LEF1: variants seen among roughly 807,000 people sequenced by gnomAD.
LEF1 encodes lymphoid enhancer-binding factor 1.
LEF1 carries 14 observed loss-of-function variants against 51.2 expected under a neutral mutation model. That is an observed-to-expected ratio of 0.27 (90% CI 0.18 to 0.43). The LOEUF is 0.43. LEF1 is among the 20% of genes least tolerant of loss of function. The pLI is 1.00. For missense variants in LEF1, 386 were observed against 512.0 expected (o/e 0.75, Z 2.37); for synonymous variants, 185 against 183.2 (o/e 1.01, Z -0.08).
intron 6 of LEF1, among the ~76,000 whole-genome samples, 170 bp downstream of exon 6, chr4:108,081,391 GCCGGGGCACAGCGCAGAGCTCCTAC>G (rs1739293012): frequency 6.6e-6 from 1 of 152,000 alleles, no homozygotes; most frequent in Non-Finnish European, 1.5e-5. Context: ...GGCTGGTCCG[GCCGGGGCACAGCGCAGAGCTCCTAC>G]CCGGGACTCT....
chr4:108,064,356 TTC>T lies in LEF1; in HGVS notation c.1143_1144del (p.Lys382ThrfsTer47). 1.2e-6 allele frequency: 2 copies of T among 1,612,150 alleles called. No homozygotes were observed. The highest frequency in any genetic ancestry group is 1.7e-5 in the Admixed American group (1 of 60,010). On this transcript the variant is annotated frameshift_variant, in exon 10 of 12. Transcript: ENST00000265165. LOFTEE classifies it high-confidence loss of function. ...CCTACCTGATGCAGATTCCTGTAGTTTCTCTCTCTTCCTCTTCTTTTTCTTAC... is the reference window on the plus strand; with the variant it reads ...CCTACCTGATGCAGATTCCTGTAGTTTCTCTCTTCCTCTTCTTTTTCTTAC...
At chr4:108,066,699 G>A (rs1252577139) in intron 9 of LEF1, among the ~76,000 whole-genome samples, 1 of 152,182 alleles carries the variant, frequency 6.6e-6, no homozygotes, top group Non-Finnish European at 1.5e-5. Context: ...TAGTTTGGAT[G>A]TATTAATGTC....
chr4:108,081,578 C>T lies in LEF1; in HGVS notation c.722+8G>A, dbSNP rs760301841. The T allele has an allele frequency of 6.2e-7, 1 of 1,613,028 alleles. No homozygotes were observed. Among genetic ancestry groups the T allele is most frequent in the East Asian group, 2.2e-5 (1 of 44,866 alleles). ...TCCTCGAGCGCCCCAGTTTCCACCTCCACCTACCTGGACATGGAAGTGTCG... is the reference window on the plus strand; with the variant it reads ...TCCTCGAGCGCCCCAGTTTCCACCTTCACCTACCTGGACATGGAAGTGTCG... On this transcript the variant is annotated splice_region_variant and intron_variant, in intron 6 of 11. Coordinates refer to ENST00000265165, the MANE Select transcript of LEF1 (RefSeq NM_016269.5).
chr4:108,082,501 G>A (rs141642872), intron 5 of LEF1, among the ~76,000 whole-genome samples: 2 of 152,260 alleles, frequency 1.3e-5, no homozygotes, highest in Admixed American at 6.5e-5. Context: ...ATGCAAGGAT[G>A]TCCAGGTAGG....
intron 3 of LEF1, among the ~76,000 whole-genome samples, chr4:108,095,795 G>C (rs1028765964): frequency 2.4e-4 from 36 of 152,230 alleles, no homozygotes; most frequent in African/African-American, 8.4e-4. Flanking sequence ...AGGAAACAAG[G>C]CTCTGGGAAT....
chr4:108,094,449 G>A (rs764545805), intron 3 of LEF1, among the ~76,000 whole-genome samples: 3 of 152,182 alleles, frequency 2.0e-5, no homozygotes, highest in African/African-American at 4.8e-5. Context: ...CACCCCCAAA[G>A]CAGCATTCCC....
intron 8 of LEF1, among the ~76,000 whole-genome samples, chr4:108,075,688 T>A (rs767394544): frequency 1.3e-5 from 2 of 152,230 alleles, no homozygotes; most frequent in African/African-American, 2.4e-5. Context: ...TACAAAGTAC[T>A]TGGAAGGACT....
At chr4:108,080,985 C>G (rs950604982) in intron 6 of LEF1, among the ~76,000 whole-genome samples, 1 of 146,802 alleles carries the variant, frequency 6.8e-6, no homozygotes, top group Admixed American at 6.7e-5. Flanking sequence ...CTTCTCGGTG[C>G]GGCGCGGCAG....
chr4:108,166,110 C>T (rs1215524376), intron 1 of LEF1, among the ~76,000 whole-genome samples: 3 of 152,176 alleles, frequency 2.0e-5, no homozygotes, highest in Non-Finnish European at 4.4e-5. Flanking sequence ...TGTGTCCTCC[C>T]TTTGACCTCC....
At chr4:108,088,432 C>T (rs991241784) in intron 4 of LEF1, among the ~76,000 whole-genome samples, 4 of 152,194 alleles carry the variant, frequency 2.6e-5, no homozygotes, top group Admixed American at 1.3e-4. Context: ...TTGAGGTTTG[C>T]GCCCTGAGTG....
intron 11 of LEF1, among the ~76,000 whole-genome samples, chr4:108,057,356 C>T (rs10023288): frequency 1 from 152,059 of 152,248 alleles, 75,935 homozygotes; most frequent in Non-Finnish European, 1. Flanking sequence ...CCCAGCAGCT[C>T]ACTGATATTT....
At chr4:108,130,047 C>A (rs1198460698) in intron 3 of LEF1, among the ~76,000 whole-genome samples, 2 of 152,100 alleles carry the variant, frequency 1.3e-5, no homozygotes, top group Non-Finnish European at 2.9e-5. Flanking sequence ...TTTTTCATTT[C>A]TTTTCTTCCA....
intron 11 of LEF1, among the ~76,000 whole-genome samples, chr4:108,062,898 T>C (rs1202605337): frequency 6.6e-6 from 1 of 152,198 alleles, no homozygotes; most frequent in Admixed American, 6.5e-5. Context: ...CACACCCTGC[T>C]AATTTAAAGC....
Position 108,167,004 on chromosome 4 carries a change from G to C in LEF1, c.213+551C>G, listed in dbSNP as rs1378289320. Reference sequence around the variant, plus strand: ...TCGGCCGGCCTGCTCCCCGCGGCCCGGCTCACCGGTGGTAGGGACGGCCCC... The same window carrying C: ...TCGGCCGGCCTGCTCCCCGCGGCCCCGCTCACCGGTGGTAGGGACGGCCCC... On this transcript the variant is annotated intron_variant, in intron 1 of 11. Coordinates refer to ENST00000265165, the MANE Select transcript of LEF1 (RefSeq NM_016269.5). This position sits in a 1 kb window ranked among gnomAD's most constrained non-coding sequence, Gnocchi z 5.7. Among the ~76,000 whole-genome samples the C allele has an allele frequency of 6.6e-6, 1 of 152,018 alleles. No homozygotes were observed. Among genetic ancestry groups the C allele is most frequent in the African/African-American group, 2.4e-5 (1 of 41,406 alleles).
chr4:108,087,357 G>A (rs148143902), intron 4 of LEF1, among the ~76,000 whole-genome samples: 30 of 151,908 alleles, frequency 2.0e-4, no homozygotes, highest in African/African-American at 5.8e-4. Flanking sequence ...AATAAAGACC[G>A]AAGAAACTGC....
intron 9 of LEF1, 86 bp from the exon 10 acceptor site, chr4:108,064,470 C>T (rs1258584011): frequency 1.0e-6 from 1 of 980,202 alleles, no homozygotes; most frequent in Non-Finnish European, 1.6e-6. Flanking sequence ...GGCAGGTGGT[C>T]AACAAAGAGG....
At chr4:108,071,925 C>T (rs1440974850) in intron 8 of LEF1, 1 of 152,398 alleles carries the variant, frequency 6.6e-6, no homozygotes, top group Non-Finnish European at 1.5e-5. Context: ...CATCCACATG[C>T]ATAACACACA....
In LEF1 at chr4:108,052,715, T is replaced by TA. The variant is rs534595198; in HGVS notation, c.*7-3965dup. ...AAAATGACTGGCCCATGGTGACCCC[T>TA]AGAGAGTCCCAGTGCTGGGCTGTTC... On this transcript the variant is annotated intron_variant, in intron 11 of 11. Coordinates refer to ENST00000265165, the MANE Select transcript of LEF1 (RefSeq NM_016269.5). 3.5e-4 allele frequency among the ~76,000 whole-genome samples: 53 copies of TA among 152,232 alleles called. 1 individual carries two copies. In the South Asian group the frequency reaches 0.011, roughly 31 times the overall value.
intron 3 of LEF1, among the ~76,000 whole-genome samples, chr4:108,111,083 C>T (rs1234534116): frequency 6.6e-6 from 1 of 152,038 alleles, no homozygotes; most frequent in Non-Finnish European, 1.5e-5. Context: ...AATAACTACC[C>T]CCAATATTTC....
Sources: gnomAD v4.1 joint callset for allele counts (sites outside exome capture counted in the v4.1 genomes callset) on GRCh38, gnomAD v4.1.1 for gene constraint, Gnocchi (gnomAD v3.1) non-coding constraint, MANE v1.5 for transcripts, NCBI Gene and HGNC (gene_info 2026-07-23, HGNC 2026-07-21) for gene names.